KCNQ4: variants seen among roughly 807,000 people sequenced by gnomAD.
KCNQ4 encodes the protein potassium voltage-gated channel subfamily KQT member 4.
A neutral mutation model predicts 72.6 loss-of-function variants in KCNQ4; 31 were observed. The observed-to-expected ratio is 0.43, with a 90% confidence interval of 0.32 to 0.58. KCNQ4 has a LOEUF of 0.58. KCNQ4 is among the 20% of genes least tolerant of loss of function. The pLI, the probability that KCNQ4 is intolerant of heterozygous loss-of-function variation, is 0.08. For missense variants in KCNQ4, 869 were observed against 962.6 expected (o/e 0.90, Z 1.29); for synonymous variants, 405 against 403.7 (o/e 1.00, Z -0.04).
At chr1:40,797,937 T>C (rs372267712) in intron 1 of KCNQ4, among the ~76,000 whole-genome samples, 77 of 151,308 alleles carry the variant, frequency 5.1e-4, no homozygotes, top group Middle Eastern at 3.4e-3. Flanking sequence ...GGAAAGGGAG[T>C]CTGGGGATAT....
chr1:40,815,698 G>A (rs1239126464), intron 1 of KCNQ4, among the ~76,000 whole-genome samples: 2 of 152,056 alleles, frequency 1.3e-5, no homozygotes, highest in African/African-American at 2.4e-5. Context: ...TATTTGCTGG[G>A]ATACACTTGC....
chr1:40,821,314 G>A (rs558245590), intron 7 of KCNQ4, among the ~76,000 whole-genome samples: 1 of 152,344 alleles, frequency 6.6e-6, no homozygotes, highest in East Asian at 1.9e-4. Flanking sequence ...TGTCTTAGGA[G>A]GGTGCCTGGC....
chr1:40,822,569 T>A (rs1648337812), intron 8 of KCNQ4, among the ~76,000 whole-genome samples, 167 bp downstream of exon 8: 1 of 152,140 alleles, frequency 6.6e-6, no homozygotes, highest in Non-Finnish European at 1.5e-5. Flanking sequence ...GGAGTGTCCT[T>A]TATTCCACTC....
chr1:40,836,540 T>A (rs1163996047), intron 12 of KCNQ4, among the ~76,000 whole-genome samples: 2 of 152,046 alleles, frequency 1.3e-5, no homozygotes, highest in African/African-American at 4.8e-5. Context: ...AAATTATGGA[T>A]CTGAAGACAT....
intron 7 of KCNQ4, among the ~76,000 whole-genome samples, chr1:40,822,064 C>G (rs1648313055): frequency 1.3e-5 from 2 of 152,228 alleles, no homozygotes; most frequent in African/African-American, 4.8e-5. Flanking sequence ...CAACAAAACT[C>G]CAGCTCTTAA....
At chr1:40,823,542 G>A (rs1571257) in intron 8 of KCNQ4, among the ~76,000 whole-genome samples, 68,989 of 151,964 alleles carry the variant, frequency 0.45, 16,230 homozygotes, top group African/African-American at 0.57. Context: ...GGTCATCCAT[G>A]CAATGGGAAG....
chr1:40,791,987 A>C (rs1647292667), intron 1 of KCNQ4, among the ~76,000 whole-genome samples: 1 of 145,198 alleles, frequency 6.9e-6, no homozygotes, highest in African/African-American at 2.5e-5. Context: ...ACAGAGCGAA[A>C]GATGGAGGGG....
chr1:40,817,318 A>C lies in KCNQ4; in HGVS notation c.368A>C (p.Glu123Ala). 6.2e-7 allele frequency: 1 copy of C among 1,613,950 alleles called. No homozygotes were observed. Among genetic ancestry groups the C allele is most frequent in the Non-Finnish European group, 8.5e-7 (1 of 1,179,988 alleles). The change falls in exon 2 of 14, where the codon GAG (glutamate) becomes GCG (alanine). Residue 123 changes from glutamate (E) to alanine (A), a missense_variant. By Grantham distance (107) the Glu-to-Ala change is moderately radical. Coordinates refer to ENST00000347132, the MANE Select transcript of KCNQ4 (RefSeq NM_004700.4). This position sits in a 1 kb window ranked among gnomAD's most constrained non-coding sequence, Gnocchi z 5.5. ...CTGTCTGTGCTGTCCACTATCCAGG[A>C]GCACCAGGAACTTGCCAACGAGTGT... is the stretch of plus-strand genomic sequence containing the variant. ...LVLSVLSTIQEHQELANECLL... is the reference protein window; with the variant it reads ...LVLSVLSTIQAHQELANECLL...
At chr1:40,790,719 G>A (rs1647264757) in intron 1 of KCNQ4, among the ~76,000 whole-genome samples, 1 of 152,308 alleles carries the variant, frequency 6.6e-6, no homozygotes, top group African/African-American at 2.4e-5. Flanking sequence ...CAGTTACAGA[G>A]CATCAGCTCC....
At chr1:40,831,001 G>A (rs1419807777) in intron 9 of KCNQ4, 83 bp from the exon 10 acceptor site, 5 of 1,219,162 alleles carry the variant, frequency 4.1e-6, no homozygotes, top group Non-Finnish European at 5.9e-6. Flanking sequence ...CCACCCCCAA[G>A]TCCTAAGTCA....
intron 6 of KCNQ4, 61 bp from the exon 7 acceptor site, chr1:40,820,104 G>T: frequency 6.5e-7 from 1 of 1,539,858 alleles, no homozygotes; most frequent in South Asian, 1.1e-5. Context: ...GGACACCCTT[G>T]CAGCCTCTTA....
At chr1:40,801,283 T>C (rs899751713) in intron 1 of KCNQ4, among the ~76,000 whole-genome samples, 11 of 152,230 alleles carry the variant, frequency 7.2e-5, no homozygotes, top group Admixed American at 4.6e-4. Context: ...ATCTCCTATC[T>C]CCTCCTCCTT....
chr1:40,815,535 G>A (rs116535183), intron 1 of KCNQ4, among the ~76,000 whole-genome samples: 1,579 of 152,254 alleles, frequency 0.01, 35 homozygotes, highest in African/African-American at 0.037. Context: ...TATTGAACAT[G>A]AGGAGCTGGT....
intron 13 of KCNQ4, 66 bp downstream of exon 13, chr1:40,837,860 G>T: frequency 6.4e-7 from 1 of 1,558,462 alleles, no homozygotes; most frequent in Non-Finnish European, 8.7e-7. Context: ...GGTGACATGG[G>T]GAGGATGCGT....
At chr1:40,828,460 G>A (rs1648546704) in intron 9 of KCNQ4, among the ~76,000 whole-genome samples, 1 of 151,720 alleles carries the variant, frequency 6.6e-6, no homozygotes. Flanking sequence ...CTGAGTGGGG[G>A]AACTTGCTCC....
chr1:40,825,179 C>G (rs1338402466), intron 9 of KCNQ4, among the ~76,000 whole-genome samples: 4 of 152,136 alleles, frequency 2.6e-5, no homozygotes, highest in Non-Finnish European at 2.9e-5. Context: ...TTTGTTTTGT[C>G]TCATCTTCAC....
intron 7 of KCNQ4, among the ~76,000 whole-genome samples, chr1:40,821,456 C>G (rs1324013326): frequency 6.6e-6 from 1 of 151,916 alleles, no homozygotes; most frequent in Non-Finnish European, 1.5e-5. Flanking sequence ...GCCACACTCA[C>G]AGTCCCTCCC....
intron 1 of KCNQ4, among the ~76,000 whole-genome samples, chr1:40,809,893 C>T (rs1405547356): frequency 6.6e-6 from 1 of 151,976 alleles, no homozygotes; most frequent in Admixed American, 6.6e-5. Context: ...GGTGAAACCC[C>T]GTCTCTACTA....
chr1:40,818,123 C>G, intron 2 of KCNQ4, 41 bp from the exon 3 acceptor site: 1 of 1,613,598 alleles, frequency 6.2e-7, no homozygotes, highest in Non-Finnish European at 8.5e-7. Context: ...GGCCCCAGTT[C>G]TGGAGACTGA....
Sources: gnomAD v4.1 joint callset for allele counts (sites outside exome capture counted in the v4.1 genomes callset) on GRCh38, gnomAD v4.1.1 for gene constraint, Gnocchi (gnomAD v3.1) non-coding constraint, MANE v1.5 for transcripts, NCBI Gene and HGNC (gene_info 2026-07-23, HGNC 2026-07-21) for gene names.